CEP128: variants seen among roughly 807,000 people sequenced by gnomAD.
CEP128 encodes the protein centrosomal protein 128.
In CEP128, 132 loss-of-function variants were observed where a neutral mutation model predicts 156.7. The ratio of observed to expected loss-of-function variants is 0.84; its 90% CI spans 0.73 to 0.97. The LOEUF (loss-of-function observed/expected upper bound fraction) is 0.97, where lower values mean the gene tolerates loss of function less well. Ranked by LOEUF, CEP128 falls within the 50% of genes least tolerant of loss-of-function variation. The probability of loss-of-function intolerance (pLI) is 0.00; values close to 1 mark genes in which losing one functional copy is unlikely to be tolerated. For synonymous variants in CEP128, 469 were observed against 448.9 expected (o/e 1.04, Z -0.57); for missense variants, 1,252 against 1,281.9 (o/e 0.98, Z 0.36).
intron 23 of CEP128, among the ~76,000 whole-genome samples, chr14:80,521,863 A>G (rs1230913403): frequency 1.3e-5 from 2 of 152,170 alleles, no homozygotes; most frequent in African/African-American, 4.8e-5. Context: ...ATCAGTGTTC[A>G]CCTACAGTTT....
intron 8 of CEP128, among the ~76,000 whole-genome samples, chr14:80,885,361 A>T (rs1029371377): frequency 6.6e-6 from 1 of 152,076 alleles, no homozygotes; most frequent in Non-Finnish European, 1.5e-5. Flanking sequence ...GTCAACAGAC[A>T]CCTCATACAG....
intron 8 of CEP128, among the ~76,000 whole-genome samples, chr14:80,887,092 T>C (rs541500803): frequency 6.6e-6 from 1 of 152,278 alleles, no homozygotes; most frequent in South Asian, 2.1e-4. Context: ...CCTAAATATA[T>C]ATGCGCCCAA....
intron 19 of CEP128, among the ~76,000 whole-genome samples, chr14:80,632,440 A>G (rs981742500): frequency 6.1e-5 from 9 of 148,730 alleles, no homozygotes; most frequent in African/African-American, 2.2e-4. Context: ...CATATATATC[A>G]GTATATTATT....
At chr14:80,572,657 A>G (rs1891191588) in intron 20 of CEP128, among the ~76,000 whole-genome samples, 1 of 152,044 alleles carries the variant, frequency 6.6e-6, no homozygotes, top group African/African-American at 2.4e-5. Flanking sequence ...ACTCCCAGAT[A>G]AACTTAAGAC....
intron 14 of CEP128, among the ~76,000 whole-genome samples, chr14:80,789,082 GAGTGGAAAA>G (rs1901571361): frequency 6.6e-6 from 1 of 152,250 alleles, no homozygotes; most frequent in African/African-American, 2.4e-5. Flanking sequence ...TAAGGAGAAG[GAGTGGAAAA>G]AGTGGAAAGT....
chr14:80,837,552 C>T (rs1195934005), intron 11 of CEP128, among the ~76,000 whole-genome samples: 2 of 151,728 alleles, frequency 1.3e-5, no homozygotes, highest in African/African-American at 2.4e-5. Context: ...CCCATCTTTC[C>T]TAAAAAAACA....
intron 19 of CEP128, among the ~76,000 whole-genome samples, chr14:80,609,100 C>A (rs1325778822): frequency 6.6e-6 from 1 of 152,130 alleles, no homozygotes; most frequent in Non-Finnish European, 1.5e-5. Flanking sequence ...AATGATACTG[C>A]AAAGACTAAG....
downstream of CEP128, among the ~76,000 whole-genome samples, chr14:80,492,230 T>C (rs1887348745): frequency 6.6e-6 from 1 of 152,202 alleles, no homozygotes; most frequent in Non-Finnish European, 1.5e-5. Context: ...CTCTGATATA[T>C]GAAGTACATA....
intron 19 of CEP128, among the ~76,000 whole-genome samples, chr14:80,664,554 C>T (rs1002821404): frequency 2.6e-5 from 4 of 151,950 alleles, no homozygotes; most frequent in African/African-American, 9.7e-5. Flanking sequence ...CAACTACTTA[C>T]AATAGCTCTA....
At chr14:80,801,965 T>C (rs996554643) in intron 13 of CEP128, among the ~76,000 whole-genome samples, 4 of 94,440 alleles carry the variant, frequency 4.2e-5, no homozygotes, top group Non-Finnish European at 6.5e-5. Context: ...ATGAGAGAAA[T>C]GCAAATCAAA....
intron 2 of CEP128, among the ~76,000 whole-genome samples, chr14:80,935,209 A>T (rs1004516051): frequency 6.6e-5 from 10 of 152,192 alleles, no homozygotes; most frequent in Admixed American, 3.3e-4. Context: ...AAACAGGTAT[A>T]CCAATGAGTA....
intron 13 of CEP128, among the ~76,000 whole-genome samples, chr14:80,797,894 A>C (rs1883585548): frequency 6.6e-6 from 1 of 152,210 alleles, no homozygotes; most frequent in African/African-American, 2.4e-5. Flanking sequence ...TATTTATTCC[A>C]TTATAATGAT....
At position 80,950,694 on chromosome 14, in the gene CEP128, G is replaced by A. The variant is rs564694620; in HGVS notation, c.-172+7484C>T. 9.2e-5 allele frequency among the ~76,000 whole-genome samples: 14 copies of A among 152,240 alleles called. No individual in the cohort carries two copies. The East Asian group carries it at 2.5e-3, about 27-fold the overall frequency. On this transcript the variant is annotated intron_variant, in intron 2 of 7. Transcript: ENST00000555529. Reference sequence around the variant, plus strand: ...TAAGTGCAATAATTGGAATGCTCAAGGGAGAGGAAAGTGATAAGGGGGAAA... The same window carrying A: ...TAAGTGCAATAATTGGAATGCTCAAAGGAGAGGAAAGTGATAAGGGGGAAA...
At chr14:80,540,051 G>A (rs534690100) in intron 21 of CEP128, among the ~76,000 whole-genome samples, 5 of 152,164 alleles carry the variant, frequency 3.3e-5, no homozygotes, top group South Asian at 2.1e-4. Context: ...ACCGTGCACC[G>A]CTGAACATAG....
At chr14:80,712,474 G>T (rs1897448222) in intron 19 of CEP128, among the ~76,000 whole-genome samples, 1 of 152,116 alleles carries the variant, frequency 6.6e-6, no homozygotes, top group Admixed American at 6.6e-5. Flanking sequence ...GCCCAGAGAG[G>T]TGTTCACACT....
At chr14:80,507,914 ATT>A (rs888541873) in intron 23 of CEP128, among the ~76,000 whole-genome samples, 1 of 152,006 alleles carries the variant, frequency 6.6e-6, no homozygotes, top group Non-Finnish European at 1.5e-5. Context: ...TAATAATTTA[ATT>A]TTTTTTGTTT....
chr14:80,890,031 T>A (rs1271408519), intron 8 of CEP128, among the ~76,000 whole-genome samples: 1 of 152,052 alleles, frequency 6.6e-6, no homozygotes, highest in Admixed American at 6.5e-5. Flanking sequence ...GAAAAAAAGC[T>A]CACCATCACT....
chr14:80,660,203 G>A (rs1895340559), intron 19 of CEP128, among the ~76,000 whole-genome samples: 1 of 152,134 alleles, frequency 6.6e-6, no homozygotes, highest in South Asian at 2.1e-4. Flanking sequence ...ACCTGACTTT[G>A]AGATATGAAA....
At chr14:80,489,663 C>T (rs113989276), downstream of CEP128, among the ~76,000 whole-genome samples, 1 of 150,566 alleles carries the variant, frequency 6.6e-6, no homozygotes, top group African/African-American at 2.5e-5. Flanking sequence ...CACATGTGGC[C>T]TCTTCGAATG....
Sources: allele counts gnomAD v4.1 joint callset (sites outside exome capture counted in the v4.1 genomes callset), GRCh38; gene constraint gnomAD v4.1.1; transcripts MANE v1.5; gene names NCBI Gene and HGNC (gene_info 2026-07-23, HGNC 2026-07-21).